The following ZNF516 variants were observed in gnomAD, a reference collection of about 807,000 sequenced individuals.
The protein encoded by ZNF516 is zinc finger protein 516.
Under a neutral mutation model 79.7 loss-of-function variants are expected in ZNF516, and 19 were observed. The observed-to-expected ratio is 0.24, with a 90% CI of 0.17 to 0.35. The LOEUF (loss-of-function observed/expected upper bound fraction) is 0.35. Among genes scored for constraint, ZNF516 ranks in the 10% least tolerant of loss-of-function variants. ZNF516 has a pLI of 1.00. For missense variants in ZNF516, 1,678 were observed against 1,679.5 expected (o/e 1.00, Z 0.02); for synonymous variants, 877 against 739.5 (o/e 1.19, Z -3.02).
intron 3 of ZNF516, among the ~76,000 whole-genome samples, chr18:76,410,657 C>A (rs115697489): frequency 0.019 from 2,835 of 152,272 alleles, 47 homozygotes; most frequent in African/African-American, 0.04. Flanking sequence ...TGGAAATCTT[C>A]CCCTTGCAAA....
In ZNF516 at chr18:76,379,251, C is replaced by T; in HGVS notation, c.2863G>A (p.Val955Ile). ...ANSKPVEKFG[V>I]PPAGAGFAPT... ...GCAAAGCCAGCCCCCGCTGGGGGGA[C>T]CCCAAACTTCTCCACAGGCTTGCTA... The change falls in exon 4 of 7, where the codon GTC becomes ATC. Residue 955 changes from valine to isoleucine, a missense_variant. By Grantham distance (29) the Val-to-Ile change is conservative. Transcript: ENST00000443185. 6.2e-7 allele frequency: 1 copy of T among 1,612,564 alleles called. No individual in the cohort carries two copies.
chr18:76,402,844 CA>C (rs2075249815), intron 3 of ZNF516, among the ~76,000 whole-genome samples: 1 of 152,112 alleles, frequency 6.6e-6, no homozygotes, highest in Admixed American at 6.5e-5. Context: ...CGCAGGACCA[CA>C]AGTGATGAAC....
chr18:76,481,749 T>C (rs1419974264), intron 1 of ZNF516, among the ~76,000 whole-genome samples: 2 of 152,252 alleles, frequency 1.3e-5, no homozygotes, highest in East Asian at 1.9e-4. Flanking sequence ...TGAGTACTGG[T>C]GGGCTATTTA....
intron 3 of ZNF516, among the ~76,000 whole-genome samples, chr18:76,415,578 G>A (rs1483520722): frequency 6.6e-6 from 1 of 152,140 alleles, no homozygotes; most frequent in Non-Finnish European, 1.5e-5. Context: ...GCGGAGGTGG[G>A]TTCTGAAGTG....
intron 2 of ZNF516, among the ~76,000 whole-genome samples, chr18:76,444,245 G>C (rs1359273304): frequency 2.0e-5 from 3 of 152,122 alleles, no homozygotes; most frequent in Non-Finnish European, 4.4e-5. Flanking sequence ...AAGAGGGAGG[G>C]GCTGCACAGA....
chr18:76,466,776 A>G (rs1035440330), intron 1 of ZNF516, among the ~76,000 whole-genome samples: 4 of 152,234 alleles, frequency 2.6e-5, no homozygotes, highest in Non-Finnish European at 5.9e-5. Flanking sequence ...CACAGGGGCC[A>G]CGAGGGCCAT....
rs1388632371 is a variant in ZNF516, at chr18:76,441,596, G to C, written c.1459C>G (p.Pro487Ala). The change falls in exon 3 of 7, where the codon CCC becomes GCC. Residue 487 changes from proline (P) to alanine (A), a missense_variant. Physicochemically the swap from Pro to Ala is conservative, Grantham distance 27 (BLOSUM62 -1). Around this residue, in one of 5 missense-constraint regions of ZNF516, gnomAD observed 1,294 missense variants for 1,248.3 expected, o/e 1.04. Coordinates refer to ENST00000443185, the MANE Select transcript of ZNF516 (RefSeq NM_014643.4). ...GGATCGAGGTGGCCGGCGGGCGCGG[G>C]GTCCCCAGGCCCGCTCGCGCGCTTC... Reference protein sequence around the residue: ...PRKRASGPGDPAPAGHLDPRS... With the variant: ...PRKRASGPGDAAPAGHLDPRS... 4 of 1,439,286 alleles carry C rather than the reference G, an allele frequency of 2.8e-6. No individual in the cohort carries two copies. The highest frequency in any genetic ancestry group is 3.0e-5 in the African/African-American group (2 of 66,216). 89.2% of individuals were successfully genotyped at this position (1,439,286 alleles called of 1,614,324 possible). A position where few individuals can be genotyped will look rare whatever the true frequency, so the allele number is the denominator to read the frequency against.
chr18:76,428,864 G>A (rs1205091877), intron 3 of ZNF516, among the ~76,000 whole-genome samples: 1 of 152,258 alleles, frequency 6.6e-6, no homozygotes, highest in Admixed American at 6.5e-5. Context: ...ATGTGTGGAT[G>A]TTCTAAAGGA....
intron 1 of ZNF516, among the ~76,000 whole-genome samples, chr18:76,486,507 G>C (rs1188712443): frequency 2.0e-5 from 3 of 152,044 alleles, no homozygotes; most frequent in Non-Finnish European, 4.4e-5. Flanking sequence ...TTTTAATAGA[G>C]AACCTTGATT....
At chr18:76,446,339 C>T (rs1053133659) in intron 2 of ZNF516, among the ~76,000 whole-genome samples, 2 of 152,184 alleles carry the variant, frequency 1.3e-5, no homozygotes, top group Admixed American at 1.3e-4. Context: ...CTGCAGGTAC[C>T]CTTCCAGGAG....
At chr18:76,363,391 C>T (rs2074566940) in intron 6 of ZNF516, among the ~76,000 whole-genome samples, 1 of 152,050 alleles carries the variant, frequency 6.6e-6, no homozygotes, top group Non-Finnish European at 1.5e-5. Context: ...GAAATAATGG[C>T]GGAGTGGGGG....
intron 3 of ZNF516, among the ~76,000 whole-genome samples, chr18:76,429,244 G>T (rs2075632458): frequency 6.6e-6 from 1 of 152,256 alleles, no homozygotes; most frequent in South Asian, 2.1e-4. Context: ...GAGGGTCCCA[G>T]GAGGAAACAG....
rs138856557 is a variant in ZNF516 at position 76,440,742 on chromosome 18, T to TTGTGTGTGTGTGTG, written c.1810+489_1810+502dup. ...TGGAGGAAAGTGTGTGTGTGTGTGT[T>TTGTGTGTGTGTGTG]TGTGTGTGTGTGTGTGTGTGCGCGC... On this transcript the variant is annotated intron_variant, in intron 3 of 6. Transcript: ENST00000443185. Among the ~76,000 whole-genome samples the TTGTGTGTGTGTGTG allele has an allele frequency of 4.7e-4, 71 of 150,048 alleles. 2 individuals are homozygous for TTGTGTGTGTGTGTG. Among genetic ancestry groups the TTGTGTGTGTGTGTG allele is most frequent in the African/African-American group, 1.2e-3 (47 of 40,568 alleles).
Position 76,378,913 on chromosome 18 carries a change from C to T in ZNF516, c.3201G>A (p.Lys1067=). 1 of 1,613,874 alleles carries T rather than the reference C, an allele frequency of 6.2e-7. No individual in the cohort carries two copies. The highest frequency in any genetic ancestry group is 8.5e-7 in the Non-Finnish European group (1 of 1,179,834). Residue 1067 remains lysine (K), a synonymous_variant, in exon 4 of 7, where the codon AAG becomes AAA. Coordinates refer to ENST00000443185, the MANE Select transcript of ZNF516 (RefSeq NM_014643.4). ...ILNIFKTYIP[K]DFATLYQGWG... is the part of the protein sequence containing the mutation. ...ATCCCTGGTAGAGGGTCGCAAAGTC[C>T]TTTGGAATGTACGTCTTAAAGATGT...
At chr18:76,457,142 T>C (rs1333055208) in intron 2 of ZNF516, among the ~76,000 whole-genome samples, 1 of 152,254 alleles carries the variant, frequency 6.6e-6, no homozygotes, top group South Asian at 2.1e-4. Context: ...AGGTATATGT[T>C]TATTACACCA....
chr18:76,485,916 A>AAATAATAATAAT (rs147558930), intron 1 of ZNF516, among the ~76,000 whole-genome samples: 1,644 of 148,432 alleles, frequency 0.011, 29 homozygotes, highest in African/African-American at 0.035. Context: ...TTTTTGACAA[A>AAATAATAATAAT]AATAATAATA....
chr18:76,440,453 G>C (rs992238082), intron 3 of ZNF516, among the ~76,000 whole-genome samples: 1 of 152,174 alleles, frequency 6.6e-6, no homozygotes, highest in African/African-American at 2.4e-5. Context: ...AAACATGCAA[G>C]TTCTCTAACT....
chr18:76,433,503 C>A (rs2075689569), intron 3 of ZNF516, among the ~76,000 whole-genome samples: 3 of 152,206 alleles, frequency 2.0e-5, no homozygotes, highest in African/African-American at 7.2e-5. Flanking sequence ...AGCCTGAGGC[C>A]CAGGTTTGCA....
chr18:76,465,816 G>C (rs1388820609), intron 1 of ZNF516, among the ~76,000 whole-genome samples: 1 of 152,210 alleles, frequency 6.6e-6, no homozygotes, highest in Non-Finnish European at 1.5e-5. Context: ...GTCCTCCTCA[G>C]AAGTGTGATG....
Sources: allele counts gnomAD v4.1 joint callset (sites outside exome capture counted in the v4.1 genomes callset), GRCh38; gene constraint gnomAD v4.1.1; regional missense constraint gnomAD v4.1.1; transcripts MANE v1.5; gene names NCBI Gene and HGNC (gene_info 2026-07-23, HGNC 2026-07-21).